BICRA: variants seen among roughly 807,000 people sequenced by gnomAD.
The protein encoded by BICRA is BRD4-interacting chromatin-remodeling complex-associated protein.
BICRA carries 31 observed loss-of-function variants against 96.9 expected under a neutral mutation model. The ratio of observed to expected loss-of-function variants is 0.32; its 90% CI spans 0.24 to 0.43. The LOEUF (loss-of-function observed/expected upper bound fraction) is 0.43, where lower values mean the gene tolerates loss of function less well. Among genes scored for constraint, BICRA ranks in the 20% least tolerant of loss-of-function variants. The pLI is 1.00. For synonymous variants in BICRA, 1,350 were observed against 1,071.8 expected (o/e 1.26, Z -5.07); for missense variants, 2,283 against 2,190.3 (o/e 1.04, Z -0.84).
chr19:47,617,077 C>A (rs1261087701), intron 1 of BICRA, among the ~76,000 whole-genome samples: 1 of 49,212 alleles, frequency 2.0e-5, no homozygotes, highest in African/African-American at 7.7e-5. Context: ...ATCCACCCGC[C>A]TCAGCTTCCC....
At chr19:47,649,470 G>T (rs533711052) in intron 1 of BICRA, among the ~76,000 whole-genome samples, 4 of 152,290 alleles carry the variant, frequency 2.6e-5, no homozygotes, top group East Asian at 3.9e-4. Context: ...CTGCCTCGAA[G>T]ATCTTGTGTC....
In BICRA at chr19:47,696,466, A is replaced by G. The variant is rs200149967; in HGVS notation, c.3202A>G (p.Ser1068Gly). 1.9e-6 allele frequency: 3 copies of G among 1,602,768 alleles called. No individual in the cohort carries two copies. Among genetic ancestry groups the G allele is most frequent in the Non-Finnish European group, 2.6e-6 (3 of 1,174,842 alleles). Residue 1068 changes from serine (S) to glycine (G), a missense_variant, in exon 11 of 15, where the codon AGT becomes GGT. Physicochemically the swap from Ser to Gly is moderately conservative, Grantham distance 56 (BLOSUM62 0). Transcript: ENST00000594866. ...PSGLQYESKL[S>G]GLKKPPTLQP... The stretch of plus-strand genomic sequence containing the variant: ...CTTCTCCCAGTATGAGAGCAAACTG[A>G]GTGGCCTGAAGAAGCCCCCCACGCT...
chr19:47,656,112 T>A (rs58941141), intron 1 of BICRA, among the ~76,000 whole-genome samples: 2 of 84,308 alleles, frequency 2.4e-5, no homozygotes, highest in South Asian at 4.5e-4. Flanking sequence ...ACACACACAC[T>A]CTGAATAAAT....
At chr19:47,640,895 A>ATTTT (rs35232398) in intron 1 of BICRA, among the ~76,000 whole-genome samples, 7 of 95,222 alleles carry the variant, frequency 7.4e-5, no homozygotes, top group Admixed American at 2.5e-4. Context: ...TCAGAGTCAG[A>ATTTT]TTTTTTTTTT....
chr19:47,621,046 C>T (rs547613802), intron 1 of BICRA, among the ~76,000 whole-genome samples: 14 of 152,074 alleles, frequency 9.2e-5, no homozygotes, highest in African/African-American at 3.4e-4. Context: ...AAGTGCTGTT[C>T]AAAGAGGGAA....
In BICRA at chr19:47,679,410, C is replaced by A; in HGVS notation, c.240C>A (p.Asp80Glu). 6.8e-7 allele frequency: 1 copy of A among 1,473,480 alleles called. No homozygotes were observed. Among genetic ancestry groups the A allele is most frequent in the East Asian group, 2.6e-5 (1 of 38,134 alleles). 91.3% of individuals were successfully genotyped at this position (1,473,480 alleles called of 1,614,324 possible). A position where few individuals can be genotyped will look rare whatever the true frequency, so the allele number is the denominator to read the frequency against. ...TGGACCTAGACTTCCTGGAAGATGA[C>A]ATCCTGGGCTCTCCTGCGACAGGGG... ...PSVDLDFLED[D>E]ILGSPATGGG... The change falls in exon 6 of 15, where the codon GAC (aspartate) becomes GAA (glutamate). Residue 80 changes from aspartate (D) to glutamate (E), a missense_variant. Physicochemically the swap from Asp to Glu is conservative, Grantham distance 45. Transcript: ENST00000594866.
chr19:47,674,250 A>G (rs759245117), intron 4 of BICRA, among the ~76,000 whole-genome samples: 1 of 152,084 alleles, frequency 6.6e-6, no homozygotes, highest in African/African-American at 2.4e-5. Flanking sequence ...AAGGAGGCTG[A>G]TGGGGCCAAA....
intron 1 of BICRA, among the ~76,000 whole-genome samples, chr19:47,633,278 C>T (rs1302167392): frequency 2.0e-5 from 3 of 151,874 alleles, no homozygotes; most frequent in Non-Finnish European, 4.4e-5. Context: ...CGGGGTTTCA[C>T]CATGTTGGTC....
In BICRA at chr19:47,613,111, G is replaced by C. The variant is rs59025306; in HGVS notation, c.-108+3943G>C. On this transcript the variant is annotated intron_variant, in intron 1 of 14. Coordinates refer to ENST00000594866, the MANE Select transcript of BICRA (RefSeq NM_001394372.1). ...CGGCTGACTTCCTTCTCAGAGGCCT[G>C]TGGCCCTTCCCTAACCTTCCTTCAG... 7.0e-3 allele frequency among the ~76,000 whole-genome samples: 1,068 copies of C among 152,208 alleles called. 21 individuals are homozygous for C. Among genetic ancestry groups the C allele is most frequent in the African/African-American group, 0.024 (998 of 41,514 alleles).
chr19:47,621,149 C>T (rs1168605993), intron 1 of BICRA, among the ~76,000 whole-genome samples: 1 of 152,148 alleles, frequency 6.6e-6, no homozygotes, highest in Non-Finnish European at 1.5e-5. Context: ...GTTTCTCCTG[C>T]AGTTCACCTG....
intron 1 of BICRA, among the ~76,000 whole-genome samples, chr19:47,618,684 C>T (rs890428386): frequency 6.6e-6 from 1 of 152,198 alleles, no homozygotes; most frequent in Admixed American, 6.5e-5. Flanking sequence ...TGGCCCCTCT[C>T]AGCCTCTTAT....
Position 47,681,959 on chromosome 19 carries a change from C to T in BICRA, c.2107-17C>T, listed in dbSNP as rs778016519. On this transcript the variant is annotated splice_polypyrimidine_tract_variant and intron_variant, in intron 6 of 14. Coordinates refer to ENST00000594866, the MANE Select transcript of BICRA (RefSeq NM_001394372.1). ...GTGGGGGCGGCTTTCTGATCCTGTG[C>T]GGGCTGCCCGTTGCAGGAGAGGAGC... The T allele has an allele frequency of 1.2e-5, 18 of 1,531,922 alleles. No individual in the cohort carries two copies. In the Admixed American group the frequency reaches 1.4e-4, roughly 12 times the overall value. The allele number at this position is 1,531,922 out of a possible 1,614,324, so 94.9% of individuals were successfully genotyped here.
chr19:47,690,194 G>A (rs1250810318), intron 7 of BICRA, among the ~76,000 whole-genome samples: 2 of 151,916 alleles, frequency 1.3e-5, no homozygotes, highest in South Asian at 2.1e-4. Flanking sequence ...TAGAGACGGG[G>A]TTTCACCATG....
intron 5 of BICRA, 79 bp from the exon 6 acceptor site, chr19:47,679,242 A>G: frequency 9.2e-7 from 1 of 1,082,862 alleles, no homozygotes; most frequent in Non-Finnish European, 1.2e-6. Context: ...TCACCTCAGC[A>G]TTCTTTGCGG....
intron 1 of BICRA, among the ~76,000 whole-genome samples, chr19:47,661,241 T>G (rs899511603): frequency 3.8e-5 from 5 of 132,176 alleles, no homozygotes; most frequent in Non-Finnish European, 7.9e-5. Flanking sequence ...ACGAAGTACT[T>G]AGTAAGCATT....
chr19:47,664,257 A>ACAGC (rs1972743696), intron 1 of BICRA, among the ~76,000 whole-genome samples: 2 of 152,192 alleles, frequency 1.3e-5, no homozygotes, highest in Non-Finnish European at 2.9e-5. Flanking sequence ...TTAATTCCGT[A>ACAGC]TCCTGCTAGC....
intron 1 of BICRA, among the ~76,000 whole-genome samples, chr19:47,658,485 C>T (rs532863946): frequency 7.2e-5 from 11 of 151,898 alleles, no homozygotes; most frequent in African/African-American, 1.7e-4. Flanking sequence ...GTCAGGAGTT[C>T]GCCAGGCGTG....
At chr19:47,677,192 C>T (rs1972954747) in intron 5 of BICRA, among the ~76,000 whole-genome samples, 1 of 152,162 alleles carries the variant, frequency 6.6e-6, no homozygotes, top group African/African-American at 2.4e-5. Flanking sequence ...TTCTCGAGCA[C>T]CTGCCAGGGG....
Position 47,694,718 on chromosome 19 carries a change from T to C in BICRA, c.2887T>C (p.Phe963Leu). ...LPQPKALLERFHQVPSGIILQ... is the reference protein window; with the variant it reads ...LPQPKALLERLHQVPSGIILQ... ...CCAGCCGAAGGCTCTTCTCGAGAGA[T>C]TTCACCAGGTAACGGGAGGCAGGGA... Residue 963 changes from phenylalanine (F) to leucine (L), a missense_variant, in exon 8 of 15, where the codon TTT (phenylalanine) becomes CTT (leucine). Phe to Leu is a conservative substitution (Grantham distance 22). Transcript: ENST00000594866. 1 of 1,509,552 alleles carries C rather than the reference T, an allele frequency of 6.6e-7. No individual in the cohort carries two copies. Among genetic ancestry groups the C allele is most frequent in the Non-Finnish European group, 9.1e-7 (1 of 1,104,430 alleles). The allele number at this position is 1,509,552 out of a possible 1,614,324, so 93.5% of individuals were successfully genotyped here. A position where few individuals can be genotyped will look rare whatever the true frequency, so the allele number is the denominator to read the frequency against.
Sources: gnomAD v4.1 joint callset for allele counts (sites outside exome capture counted in the v4.1 genomes callset) on GRCh38, gnomAD v4.1.1 for gene constraint, MANE v1.5 for transcripts, NCBI Gene and HGNC (gene_info 2026-07-23, HGNC 2026-07-21) for gene names.